Variants in CD38 observed in about 807,000 individuals in gnomAD.
CD38 encodes the protein ADP-ribosyl cyclase/cyclic ADP-ribose hydrolase 1.
In CD38, 31 loss-of-function variants were observed where a neutral mutation model predicts 36.3. The observed-to-expected ratio is 0.85, with a 90% confidence interval of 0.64 to 1.15. The LOEUF is 1.15. CD38 is among the 50% of genes most tolerant of loss of function. The pLI is 0.00. For synonymous variants in CD38, 131 were observed against 135.2 expected (o/e 0.97, Z 0.22); for missense variants, 380 against 371.9 (o/e 1.02, Z -0.18).
intron 2 of CD38, among the ~76,000 whole-genome samples, chr4:15,817,437 A>G (rs1182698177): frequency 1.3e-5 from 2 of 152,228 alleles, no homozygotes; most frequent in African/African-American, 4.8e-5. Flanking sequence ...AAACTTCTCC[A>G]TTCACTAGGC....
chr4:15,789,785 C>T (rs1258115616), intron 1 of CD38, among the ~76,000 whole-genome samples: 1 of 151,232 alleles, frequency 6.6e-6, no homozygotes, highest in Non-Finnish European at 1.5e-5. Flanking sequence ...TCACCCTCCT[C>T]ACCGTGTGAT....
intron 1 of CD38, among the ~76,000 whole-genome samples, chr4:15,810,348 G>C (rs973931404): frequency 2.0e-5 from 3 of 152,178 alleles, no homozygotes; most frequent in Admixed American, 6.5e-5. Context: ...CAGTGCACAT[G>C]AATTTCTCTT....
intron 1 of CD38, among the ~76,000 whole-genome samples, chr4:15,787,072 C>A (rs572385593): frequency 2.0e-5 from 3 of 152,160 alleles, no homozygotes; most frequent in Non-Finnish European, 2.9e-5. Flanking sequence ...TCGCGCTGGC[C>A]CACGAGCGCC....
chr4:15,839,344 A>G (rs1724147942), intron 5 of CD38, among the ~76,000 whole-genome samples: 1 of 150,918 alleles, frequency 6.6e-6, no homozygotes, highest in Non-Finnish European at 1.5e-5. Context: ...TTCACTGAGC[A>G]TGTGAATCAC....
chr4:15,834,439 A>G lies in CD38; in HGVS notation c.585+137A>G, dbSNP rs114178665. The G allele has an allele frequency of 4.6e-3, 2,924 of 630,784 alleles. 24 individuals are homozygous for G. The highest frequency in any genetic ancestry group is 4.9e-3 in the Non-Finnish European group (1,754 of 355,646). 39.1% of individuals were successfully genotyped at this position (630,784 alleles called of 1,614,324 possible). A position where few individuals can be genotyped will look rare whatever the true frequency, so the allele number is the denominator to read the frequency against. The stretch of plus-strand genomic sequence containing the variant: ...AAATATAGGATTCATTCCTGAGAAA[A>G]AGGTTCAGATGCACATGCCAGAAAA... On this transcript the variant is annotated intron_variant, in intron 4 of 7. Coordinates refer to ENST00000226279, the MANE Select transcript of CD38 (RefSeq NM_001775.4).
intron 1 of CD38, among the ~76,000 whole-genome samples, chr4:15,785,539 CTTTTT>C (rs34989864): frequency 1.4e-5 from 2 of 147,802 alleles, no homozygotes; most frequent in Non-Finnish European, 3.0e-5. Flanking sequence ...CGTTCCTTTT[CTTTTT>C]TTTTTTATCA....
intron 1 of CD38, among the ~76,000 whole-genome samples, chr4:15,815,670 C>T (rs1253901011): frequency 1.3e-5 from 2 of 152,026 alleles, no homozygotes; most frequent in Non-Finnish European, 2.9e-5. Flanking sequence ...TGGGCTGAGA[C>T]GTTGGGGTTT....
Position 15,790,978 on chromosome 4 carries a change from G to A in CD38, c.233+12331G>A, listed in dbSNP as rs1424198937. Among the ~76,000 whole-genome samples, 335 of 146,634 alleles carry A rather than the reference G, an allele frequency of 2.3e-3. 2 individuals are homozygous for A. Among genetic ancestry groups the A allele is most frequent in the Non-Finnish European group, 2.6e-3 (171 of 66,410 alleles). Reference sequence around the variant, plus strand: ...TGAGAAGTGAGGAGCCCCTCCGTCCGGCGGCCACCCCGTCTGGGAAGTGAG... The same window carrying A: ...TGAGAAGTGAGGAGCCCCTCCGTCCAGCGGCCACCCCGTCTGGGAAGTGAG... On this transcript the variant is annotated intron_variant, in intron 1 of 7. Coordinates refer to ENST00000226279, the MANE Select transcript of CD38 (RefSeq NM_001775.4).
At chr4:15,824,497 A>G (rs1441505195) in intron 2 of CD38, among the ~76,000 whole-genome samples, 3 of 152,132 alleles carry the variant, frequency 2.0e-5, no homozygotes, top group Admixed American at 6.5e-5. Flanking sequence ...TAAGAATCAA[A>G]TAGCACATCT....
At chr4:15,822,075 G>T (rs769595705) in intron 2 of CD38, among the ~76,000 whole-genome samples, 1 of 152,036 alleles carries the variant, frequency 6.6e-6, no homozygotes, top group South Asian at 2.1e-4. Flanking sequence ...TACATAAAGA[G>T]AACTAAAGAC....
At chr4:15,788,039 C>A (rs1040274251) in intron 1 of CD38, among the ~76,000 whole-genome samples, 1 of 152,206 alleles carries the variant, frequency 6.6e-6, no homozygotes, top group Non-Finnish European at 1.5e-5. Flanking sequence ...TATTCTCCCC[C>A]GAAGCTTTGC....
intron 5 of CD38, among the ~76,000 whole-genome samples, chr4:15,839,626 T>C (rs1186715482): frequency 1.3e-5 from 2 of 151,742 alleles, no homozygotes; most frequent in Non-Finnish European, 2.9e-5. Flanking sequence ...GGTTTCATAG[T>C]GTTAGCCAGG....
chr4:15,793,643 C>G (rs1475910430), intron 1 of CD38, among the ~76,000 whole-genome samples: 1 of 152,170 alleles, frequency 6.6e-6, no homozygotes, highest in East Asian at 1.9e-4. Flanking sequence ...AAGGATCTCT[C>G]TGGCTGCTGC....
chr4:15,804,669 A>T (rs1308406589), intron 1 of CD38, among the ~76,000 whole-genome samples: 1 of 152,204 alleles, frequency 6.6e-6, no homozygotes, highest in Non-Finnish European at 1.5e-5. Context: ...AGCCAGGCAC[A>T]GAAAGACAAG....
At chr4:15,826,459 G>GCACGCGCGCA (rs1222637407) in intron 3 of CD38, among the ~76,000 whole-genome samples, 2 of 146,348 alleles carry the variant, frequency 1.4e-5, no homozygotes, top group African/African-American at 5.0e-5. Flanking sequence ...ACTTTTGTGC[G>GCACGCGCGCA]CACACACACA....
At chr4:15,784,916 T>C (rs772410087) in intron 1 of CD38, among the ~76,000 whole-genome samples, 4 of 151,872 alleles carry the variant, frequency 2.6e-5, no homozygotes, top group Non-Finnish European at 4.4e-5. Context: ...ATTAGCCGGG[T>C]GTGGTTGCGT....
chr4:15,816,806 A>G (rs1029609806), intron 2 of CD38, 166 bp downstream of exon 2: 3 of 702,716 alleles, frequency 4.3e-6, no homozygotes, highest in African/African-American at 3.6e-5. Flanking sequence ...GGGCCATGAT[A>G]TAATTAAGAT....
intron 1 of CD38, among the ~76,000 whole-genome samples, chr4:15,799,592 G>T (rs1199781594): frequency 6.6e-6 from 1 of 151,788 alleles, no homozygotes; most frequent in Admixed American, 6.6e-5. Flanking sequence ...TTTATTATTG[G>T]GTCTATTGTG....
chr4:15,782,357 G>A (rs747420528), intron 1 of CD38, among the ~76,000 whole-genome samples: 3 of 152,174 alleles, frequency 2.0e-5, no homozygotes, highest in Non-Finnish European at 4.4e-5. Flanking sequence ...TTTACATCTG[G>A]ATTTGTTAGC....
Sources: allele counts gnomAD v4.1 joint callset (sites outside exome capture counted in the v4.1 genomes callset), GRCh38; gene constraint gnomAD v4.1.1; transcripts MANE v1.5; gene names NCBI Gene and HGNC (gene_info 2026-07-23, HGNC 2026-07-21).